Variants in LAMA2 observed in about 807,000 individuals in gnomAD.
LAMA2 encodes the protein laminin subunit alpha 2.
Under a neutral mutation model 364.8 loss-of-function variants are expected in LAMA2, and 269 were observed. The ratio of observed to expected loss-of-function variants is 0.74; its 90% confidence interval spans 0.67 to 0.82. LAMA2 has a LOEUF of 0.82. LAMA2 is among the 40% of genes least tolerant of loss of function. LAMA2 has a pLI of 0.00. For synonymous variants in LAMA2, 1,379 were observed against 1,370.6 expected (o/e 1.01, Z -0.14); for missense variants, 3,807 against 3,873.2 (o/e 0.98, Z 0.45).
At chr6:129,446,547 G>A (rs1782392577) in intron 45 of LAMA2, among the ~76,000 whole-genome samples, 1 of 52,948 alleles carries the variant, frequency 1.9e-5, no homozygotes, top group Non-Finnish European at 4.2e-5. Context: ...GGCGAGGGGA[G>A]GGGAGGGGAG....
At chr6:129,176,248 A>C (rs1448218274) in intron 9 of LAMA2, among the ~76,000 whole-genome samples, 1 of 151,984 alleles carries the variant, frequency 6.6e-6, no homozygotes, top group African/African-American at 2.4e-5. Context: ...TTTTGCATAA[A>C]ATTCTCTCAT....
At chr6:128,982,166 T>C (rs778654198) in intron 1 of LAMA2, among the ~76,000 whole-genome samples, 5 of 152,320 alleles carry the variant, frequency 3.3e-5, no homozygotes, top group Admixed American at 6.5e-5. Flanking sequence ...GAAATAACTG[T>C]TGACATTTTG....
chr6:129,417,671 T>TAG (rs1254370518), intron 40 of LAMA2, among the ~76,000 whole-genome samples: 25 of 151,994 alleles, frequency 1.6e-4, no homozygotes, highest in Admixed American at 4.6e-4. Context: ...GCACCCAGGC[T>TAG]GTTCATGCCT....
At chr6:129,062,256 TC>T (rs1788970985) in intron 3 of LAMA2, among the ~76,000 whole-genome samples, 2 of 152,184 alleles carry the variant, frequency 1.3e-5, no homozygotes, top group African/African-American at 4.8e-5. Flanking sequence ...ATATTAATAT[TC>T]CTATTGCATA....
At chr6:128,991,362 C>T (rs900689395) in intron 1 of LAMA2, among the ~76,000 whole-genome samples, 1 of 152,072 alleles carries the variant, frequency 6.6e-6, no homozygotes, top group Non-Finnish European at 1.5e-5. Flanking sequence ...AACACTATTG[C>T]CATTTTTTGG....
chr6:129,492,235 A>C, intron 57 of LAMA2, 80 bp from the exon 58 acceptor site: 1 of 1,492,466 alleles, frequency 6.7e-7, no homozygotes, highest in South Asian at 1.1e-5. Context: ...TGGACTTAAA[A>C]AGGCATGCGG....
intron 15 of LAMA2, 48 bp from the exon 16 acceptor site, chr6:129,267,058 T>C (rs1787569211): frequency 1.7e-6 from 2 of 1,211,760 alleles, no homozygotes; most frequent in Non-Finnish European, 2.5e-6. Context: ...CAAAAACACC[T>C]TTTTGTTTTA....
At chr6:129,157,533 A>G in intron 8 of LAMA2, 4 of 1,612,194 alleles carry the variant, frequency 2.5e-6, no homozygotes, top group Non-Finnish European at 3.4e-6. Flanking sequence ...TCAGATTTTT[A>G]CATCTTGGGA....
intron 22 of LAMA2, among the ~76,000 whole-genome samples, chr6:129,306,809 C>T (rs1041544420): frequency 6.6e-6 from 1 of 151,908 alleles, no homozygotes; most frequent in African/African-American, 2.4e-5. Context: ...TCCTTTTGGA[C>T]ATTGTATATC....
At chr6:129,125,598 G>A (rs1267342052) in intron 4 of LAMA2, among the ~76,000 whole-genome samples, 1 of 152,164 alleles carries the variant, frequency 6.6e-6, no homozygotes, top group Non-Finnish European at 1.5e-5. Flanking sequence ...TTTGGGAAAT[G>A]TGTGCTTAGA....
In LAMA2 at chr6:129,088,938, G is replaced by A. The variant is rs937829926; in HGVS notation, c.397-9235G>A. Among the ~76,000 whole-genome samples, 264 of 152,320 alleles carry A rather than the reference G, an allele frequency of 1.7e-3. 2 individuals are homozygous for A. Among genetic ancestry groups the A allele is most frequent in the African/African-American group, 6.0e-3 (248 of 41,588 alleles). On this transcript the variant is annotated intron_variant, in intron 3 of 64. Transcript: ENST00000421865. ...GCGGCCGGGCAGAGGCTGCAAACTC[G>A]GCACTTTGGGAGGCCAAGGCAGGCG... is the stretch of plus-strand genomic sequence containing the variant.
In LAMA2 at chr6:129,224,806, T is replaced by C. The variant is rs575151997; in HGVS notation, c.1783-25306T>C. 5.9e-5 allele frequency among the ~76,000 whole-genome samples: 9 copies of C among 152,322 alleles called. No individual in the cohort carries two copies. In the East Asian group the frequency reaches 1.7e-3, roughly 29 times the overall value. ...TAGTCAAAAATTCTCTTTTTTGTTG[T>C]GTCTCTGCCAGGCTTTTGTATCAGG... On this transcript the variant is annotated intron_variant, in intron 12 of 64. Transcript: ENST00000421865.
chr6:129,215,631 T>G (rs561851189), intron 12 of LAMA2, among the ~76,000 whole-genome samples: 31 of 152,270 alleles, frequency 2.0e-4, no homozygotes, highest in Admixed American at 6.5e-4. Context: ...CTGATTTAAT[T>G]TTTTAGAACT....
intron 51 of LAMA2, among the ~76,000 whole-genome samples, chr6:129,469,943 T>C (rs1783728924): frequency 6.6e-6 from 1 of 151,830 alleles, no homozygotes; most frequent in Non-Finnish European, 1.5e-5. Context: ...GTGAATGGTA[T>C]ATGTACGAAA....
At chr6:129,258,824 A>G (rs796969074) in intron 14 of LAMA2, among the ~76,000 whole-genome samples, 24 of 152,070 alleles carry the variant, frequency 1.6e-4, no homozygotes, top group African/African-American at 5.8e-4. Flanking sequence ...GTGAGGGGGG[A>G]AAAAAGCATT....
At chr6:129,496,378 C>T (rs1308753244) in intron 58 of LAMA2, among the ~76,000 whole-genome samples, 1 of 152,128 alleles carries the variant, frequency 6.6e-6, no homozygotes, top group Non-Finnish European at 1.5e-5. Context: ...GTTGGTCAGG[C>T]TGGTCTCGAA....
At chr6:128,934,042 AT>A (rs971590114) in intron 1 of LAMA2, among the ~76,000 whole-genome samples, 2 of 152,136 alleles carry the variant, frequency 1.3e-5, no homozygotes, top group African/African-American at 4.8e-5. Flanking sequence ...TTTTCTTTAT[AT>A]TTATTTTAGA....
intron 15 of LAMA2, among the ~76,000 whole-genome samples, chr6:129,264,728 G>A (rs1232140516): frequency 2.6e-5 from 4 of 152,082 alleles, no homozygotes; most frequent in Non-Finnish European, 5.9e-5. Flanking sequence ...GAAATTGTGG[G>A]AGGAAAAGGA....
rs570967763 is a variant in LAMA2 at position 129,303,031 on chromosome 6, T to C, written c.3174+2159T>C. 7.2e-5 allele frequency among the ~76,000 whole-genome samples: 11 copies of C among 152,248 alleles called. 2 individuals carry two copies. The highest frequency in any genetic ancestry group is 2.6e-4 in the African/African-American group (11 of 41,574). ...TTTGGCTGAAATTATATTGAATTGA[T>C]AGATCAATTTGGGAAGAATTGACAG... On this transcript the variant is annotated intron_variant, in intron 22 of 64. Transcript: ENST00000421865.
Sources: gnomAD v4.1 joint callset for allele counts (sites outside exome capture counted in the v4.1 genomes callset) on GRCh38, gnomAD v4.1.1 for gene constraint, MANE v1.5 for transcripts, NCBI Gene and HGNC (gene_info 2026-07-23, HGNC 2026-07-21) for gene names.